LPCAT1: variants seen among roughly 807,000 people sequenced by gnomAD.
The protein encoded by LPCAT1 is 1-acylglycerol-3-phosphate O-acyltransferase.
A neutral mutation model predicts 60.9 loss-of-function variants in LPCAT1; 23 were observed. That is an observed-to-expected ratio of 0.38 (90% confidence interval 0.27 to 0.53). The LOEUF (loss-of-function observed/expected upper bound fraction) is 0.53. Among genes scored for constraint, LPCAT1 ranks in the 20% least tolerant of loss-of-function variants. The pLI is 0.82. For synonymous variants in LPCAT1, 340 were observed against 301.1 expected, an observed-to-expected ratio of 1.13 and a Z score of -1.34; for missense variants, 622 against 723.6, an observed-to-expected ratio of 0.86 and a Z score of 1.61.
chr5:1,504,050 A>T (rs1736108621), intron 1 of LPCAT1, among the ~76,000 whole-genome samples: 1 of 151,994 alleles, frequency 6.6e-6, no homozygotes, highest in African/African-American at 2.4e-5. Flanking sequence ...TTTGGCTCTT[A>T]TTAGTTCCTC....
intron 6 of LPCAT1, among the ~76,000 whole-genome samples, chr5:1,482,774 A>G (rs1375004084): frequency 6.6e-6 from 1 of 151,222 alleles, no homozygotes; most frequent in African/African-American, 2.4e-5. Flanking sequence ...AGGGCAGGCT[A>G]AGCCTCCTCC....
At chr5:1,468,446 G>A (rs1379679869) in intron 12 of LPCAT1, among the ~76,000 whole-genome samples, 4 of 152,200 alleles carry the variant, frequency 2.6e-5, no homozygotes, top group African/African-American at 9.6e-5. Context: ...AGTGCCTCCT[G>A]CCCCCTAGTG....
chr5:1,512,684 G>T (rs1189473927), intron 1 of LPCAT1, among the ~76,000 whole-genome samples: 1 of 152,210 alleles, frequency 6.6e-6, no homozygotes, highest in African/African-American at 2.4e-5. Context: ...CTCCCATCGG[G>T]GGGCTCTGCT....
chr5:1,484,184 CAGG>C (rs1472182058), intron 5 of LPCAT1, among the ~76,000 whole-genome samples: 1 of 152,214 alleles, frequency 6.6e-6, no homozygotes, highest in East Asian at 1.9e-4. Context: ...CCCAAGGAAT[CAGG>C]AGGAGCCCCA....
In LPCAT1 at chr5:1,483,527, C is replaced by G. The variant is rs201403067; in HGVS notation, c.668-41G>C. ...CAGCGGTGTTGCCCATGGCAGCCCACGCAGGACAGCGTCTGCTGCGTTTCT... is the reference window on the plus strand; with the variant it reads ...CAGCGGTGTTGCCCATGGCAGCCCAGGCAGGACAGCGTCTGCTGCGTTTCT... On this transcript the variant is annotated intron_variant, in intron 5 of 13. Transcript: ENST00000283415. This position sits in a 1 kb window ranked among gnomAD's most constrained non-coding sequence, Gnocchi z 9.2. 2 of 1,600,138 alleles carry G rather than the reference C, an allele frequency of 1.2e-6. No homozygotes were observed. The highest frequency in any genetic ancestry group is 1.1e-5 in the South Asian group (1 of 90,700).
chr5:1,486,198 T>C (rs1437113192), intron 5 of LPCAT1, among the ~76,000 whole-genome samples: 1 of 152,200 alleles, frequency 6.6e-6, no homozygotes, highest in East Asian at 1.9e-4. Context: ...TGCAGAGCCC[T>C]GAGGGTCCCA....
At chr5:1,491,863 A>C (rs1735596284) in intron 3 of LPCAT1, among the ~76,000 whole-genome samples, 1 of 152,272 alleles carries the variant, frequency 6.6e-6, no homozygotes, top group Non-Finnish European at 1.5e-5. Context: ...CATACATCTA[A>C]AAATGAAAAT....
At chr5:1,489,154 G>T (rs972813664) in intron 4 of LPCAT1, among the ~76,000 whole-genome samples, 2 of 152,334 alleles carry the variant, frequency 1.3e-5, no homozygotes, top group East Asian at 3.9e-4. Context: ...TGCTTGTGGG[G>T]GCAGAGCTGG....
intron 11 of LPCAT1, among the ~76,000 whole-genome samples, chr5:1,472,439 T>C (rs943557113): frequency 6.9e-6 from 1 of 145,036 alleles, no homozygotes; most frequent in Non-Finnish European, 1.5e-5. Flanking sequence ...GGACTGGGGC[T>C]TGGGTGTCTG....
intron 1 of LPCAT1, among the ~76,000 whole-genome samples, chr5:1,514,539 T>G (rs1455930538): frequency 6.6e-6 from 1 of 152,156 alleles, no homozygotes; most frequent in Non-Finnish European, 1.5e-5. Context: ...GGTGGTCAAG[T>G]GAACCAAACG....
At chr5:1,510,345 G>A (rs1408847673) in intron 1 of LPCAT1, among the ~76,000 whole-genome samples, 2 of 152,212 alleles carry the variant, frequency 1.3e-5, no homozygotes, top group Admixed American at 6.5e-5. Context: ...TCAACCAGCC[G>A]TACCGCCTCC....
rs1734934587 is a variant in LPCAT1 at position 1,476,745 on chromosome 5, G to A, written c.899+659C>T. On this transcript the variant is annotated intron_variant, in intron 9 of 13. Transcript: ENST00000283415. This position sits in a 1 kb window ranked among gnomAD's most constrained non-coding sequence, Gnocchi z 8.6. ...TAAATCCAGGTGGGAGGACCTGGTT[G>A]CAAGGACAAGTGTGGGGGGAATGGG... is the stretch of plus-strand genomic sequence containing the variant. Among the ~76,000 whole-genome samples, 1 of 152,028 alleles carries A rather than the reference G, an allele frequency of 6.6e-6. No homozygotes were observed. Among genetic ancestry groups the A allele is most frequent in the African/African-American group, 2.4e-5 (1 of 41,390 alleles).
rs762851042 is a variant in LPCAT1 at position 1,483,555 on chromosome 5, T to C, written c.668-69A>G. The stretch of plus-strand genomic sequence containing the variant: ...AGGACAGCGTCTGCTGCGTTTCTCA[T>C]GCTGCCCTTGGGATAAAAGTGAGCT... On this transcript the variant is annotated intron_variant, in intron 5 of 13. Coordinates refer to ENST00000283415, the MANE Select transcript of LPCAT1 (RefSeq NM_024830.5). The surrounding 1 kb of genome is among the most constrained non-coding windows in gnomAD (Gnocchi z 9.2). The C allele has an allele frequency of 1.3e-6, 2 of 1,518,504 alleles. No homozygotes were observed. The highest frequency in any genetic ancestry group is 2.3e-5 in the South Asian group (2 of 87,448). 94.1% of individuals were successfully genotyped at this position (1,518,504 alleles called of 1,614,324 possible). A position where few individuals can be genotyped will look rare whatever the true frequency, so the allele number is the denominator to read the frequency against.
In LPCAT1 at chr5:1,488,375, T is replaced by G. The variant is rs778406750; in HGVS notation, c.667+16A>C. 16 of 1,524,100 alleles carry G rather than the reference T, an allele frequency of 1.0e-5. No homozygotes were observed. The Admixed American group carries it at 2.9e-4, about 28-fold the overall frequency. 94.4% of individuals were successfully genotyped at this position (1,524,100 alleles called of 1,614,324 possible). A position where few individuals can be genotyped will look rare whatever the true frequency, so the allele number is the denominator to read the frequency against. ...TTTCTCTAGGAGAAAAATAAACATT[T>G]AAGAAAACTACATACCAGGTTTGAA... On this transcript the variant is annotated intron_variant, in intron 5 of 13. Coordinates refer to ENST00000283415, the MANE Select transcript of LPCAT1 (RefSeq NM_024830.5).
chr5:1,493,498 G>T (rs535778560), intron 3 of LPCAT1, among the ~76,000 whole-genome samples: 2 of 152,278 alleles, frequency 1.3e-5, no homozygotes, highest in Non-Finnish European at 2.9e-5. Flanking sequence ...GAGCCGGCAG[G>T]AGTGGCCAGG....
Position 1,523,503 on chromosome 5 carries a change from G to A in LPCAT1, c.135+207C>T, listed in dbSNP as rs916628855. Among the ~76,000 whole-genome samples the A allele has an allele frequency of 2.6e-5, 4 of 151,322 alleles. No individual in the cohort carries two copies. Among genetic ancestry groups the A allele is most frequent in the Non-Finnish European group, 4.4e-5 (3 of 67,738 alleles). ...GGACCAGGATGCGCGTGCGGGCGGC[G>A]GGAAGCCGGCGCCGAGACCGAGGCA... On this transcript the variant is annotated intron_variant, in intron 1 of 13. Transcript: ENST00000283415. The surrounding 1 kb of genome is among the most constrained non-coding windows in gnomAD (Gnocchi z 7.1).
intron 13 of LPCAT1, among the ~76,000 whole-genome samples, chr5:1,464,492 C>T (rs1376644668): frequency 1.5e-5 from 2 of 135,154 alleles, no homozygotes; most frequent in Non-Finnish European, 3.4e-5. Context: ...CTACAAACAT[C>T]AAAGAGCCCG....
At chr5:1,469,807 A>G (rs1734594306) in intron 12 of LPCAT1, among the ~76,000 whole-genome samples, 1 of 151,830 alleles carries the variant, frequency 6.6e-6, no homozygotes, top group Admixed American at 6.6e-5. Context: ...AAAAAACAAC[A>G]GGGCACAGTG....
At chr5:1,517,784 G>A (rs188837483) in intron 1 of LPCAT1, among the ~76,000 whole-genome samples, 62 of 152,322 alleles carry the variant, frequency 4.1e-4, no homozygotes, top group African/African-American at 1.4e-3. Flanking sequence ...GAACAGAGGC[G>A]ACGTGTCAAA....
Sources: allele counts gnomAD v4.1 joint callset (sites outside exome capture counted in the v4.1 genomes callset), GRCh38; gene constraint gnomAD v4.1.1; non-coding constraint Gnocchi (gnomAD v3.1); transcripts MANE v1.5; gene names NCBI Gene and HGNC (gene_info 2026-07-23, HGNC 2026-07-21).